Variants in CACNA1A observed in about 807,000 individuals in gnomAD.
CACNA1A encodes the protein voltage-dependent P/Q-type calcium channel subunit alpha-1A.
CACNA1A carries 57 observed loss-of-function variants against 262.4 expected under a neutral mutation model. The ratio of observed to expected loss-of-function variants is 0.22; its 90% CI spans 0.18 to 0.27. The LOEUF is 0.27. Ranked by LOEUF, CACNA1A falls within the 10% of genes least tolerant of loss-of-function variation. The pLI, the probability that CACNA1A is intolerant of heterozygous loss-of-function variation, is 1.00. For synonymous variants in CACNA1A, 1,431 were observed against 1,419.3 expected (o/e 1.01, Z -0.18); for missense variants, 2,526 against 3,562.8 (o/e 0.71, Z 7.41).
chr19:13,334,502 G>A lies in CACNA1A; in HGVS notation c.1083-9C>T. The A allele has an allele frequency of 6.7e-7, 1 of 1,500,714 alleles. No individual in the cohort carries two copies. The allele number at this position is 1,500,714 out of a possible 1,614,324, so 93.0% of individuals were successfully genotyped here. Reference sequence around the variant, plus strand: ...TTTCTTTGGCAAACTCCCTGGAGAAGCATAGAAAAGCCAGAGTATGGCTGT... The same window carrying A: ...TTTCTTTGGCAAACTCCCTGGAGAAACATAGAAAAGCCAGAGTATGGCTGT... On this transcript the variant is annotated splice_polypyrimidine_tract_variant and intron_variant, in intron 7 of 46. Coordinates refer to ENST00000360228, the MANE Select transcript of CACNA1A (RefSeq NM_001127222.2).
At chr19:13,208,691 A>C in intron 46 of CACNA1A, 65 bp downstream of exon 46, 1 of 1,489,614 alleles carries the variant, frequency 6.7e-7, no homozygotes, top group Non-Finnish European at 8.9e-7. Context: ...TGGATGGGGT[A>C]TCCCCTTCTC....
intron 6 of CACNA1A, among the ~76,000 whole-genome samples, chr19:13,337,331 T>C (rs2145149330): frequency 1.3e-5 from 2 of 152,316 alleles, no homozygotes; most frequent in Non-Finnish European, 2.9e-5. Flanking sequence ...TTCTGGCGGT[T>C]TGCTGGCAAT....
At chr19:13,233,427 T>C (rs2055742867) in intron 34 of CACNA1A, among the ~76,000 whole-genome samples, 1 of 152,226 alleles carries the variant, frequency 6.6e-6, no homozygotes, top group Non-Finnish European at 1.5e-5. Context: ...TTAAGTAAGC[T>C]CACATTATTA....
chr19:13,278,114 C>T (rs1482449505), intron 22 of CACNA1A, among the ~76,000 whole-genome samples: 1 of 151,450 alleles, frequency 6.6e-6, no homozygotes, highest in Non-Finnish European at 1.5e-5. Flanking sequence ...CAGATCCACC[C>T]AGAAGCTGCA....
intron 21 of CACNA1A, chr19:13,284,003 A>G (rs1008462141): frequency 6.6e-6 from 1 of 152,444 alleles, no homozygotes; most frequent in African/African-American, 2.4e-5. Flanking sequence ...GAATGTGCCA[A>G]TGGGATGTGC....
At chr19:13,235,332 TC>T (rs2144648343) in intron 32 of CACNA1A, 58 bp from the exon 33 acceptor site, 1 of 1,461,698 alleles carries the variant, frequency 6.8e-7, no homozygotes, top group Non-Finnish European at 9.4e-7. Flanking sequence ...CGCACTGTCT[TC>T]CTCCCTTGTC....
At chr19:13,371,363 T>A (rs2144557335) in intron 4 of CACNA1A, 1 of 227,600 alleles carries the variant, frequency 4.4e-6, no homozygotes, top group African/African-American at 2.3e-5. Context: ...GAGCCTCAGT[T>A]TCCCCCTCCA....
intron 1 of CACNA1A, among the ~76,000 whole-genome samples, chr19:13,480,834 G>A (rs1979202982): frequency 6.6e-6 from 1 of 152,094 alleles, no homozygotes; most frequent in Non-Finnish European, 1.5e-5. Flanking sequence ...AACATGCTGA[G>A]TTCTTACCAT....
chr19:13,283,498 A>C, intron 21 of CACNA1A, 102 bp from the exon 22 acceptor site: 2 of 1,443,576 alleles, frequency 1.4e-6, no homozygotes, highest in Non-Finnish European at 9.5e-7. Context: ...GAGATCTCCA[A>C]CCCCCAAGGC....
rs1443484577 is a variant in CACNA1A, at chr19:13,359,665, C to A, written c.919G>T (p.Ala307Ser). ...GITQFDNILF[A>S]VLTVFQCITM... ...ATGCACTGGAAAACAGTCAGCACTG[C>A]AAACAGGATGTTGTCGAACTGAGTG... The change falls in exon 6 of 47, where the codon GCA (alanine) becomes TCA (serine). Residue 307 changes from alanine (A) to serine (S), a missense_variant. Physicochemically the swap from Ala to Ser is moderately conservative, Grantham distance 99. Transcript: ENST00000360228. The A allele has an allele frequency of 6.2e-7, 1 of 1,610,220 alleles. No homozygotes were observed. The highest frequency in any genetic ancestry group is 1.7e-5 in the Admixed American group (1 of 59,462).
At position 13,241,664 on chromosome 19, in the gene CACNA1A, G is replaced by T. The variant is rs1390197074; in HGVS notation, c.4950+3518C>A. ...CGGTTCCCGGGCGGGGAGTGGGGGT[G>T]GTGGTGGCGGTGGGTTGGGAGATAA... is the stretch of plus-strand genomic sequence containing the variant. On this transcript the variant is annotated intron_variant, in intron 31 of 46. Transcript: ENST00000360228. The surrounding 1 kb of genome is among the most constrained non-coding windows in gnomAD (Gnocchi z 4.0). 3.0e-6 allele frequency: 2 copies of T among 660,678 alleles called. No homozygotes were observed. Among genetic ancestry groups the T allele is most frequent in the Non-Finnish European group, 5.5e-6 (2 of 362,742 alleles). The allele number at this position is 660,678 out of a possible 1,614,324, so 40.9% of individuals were successfully genotyped here.
intron 1 of CACNA1A, among the ~76,000 whole-genome samples, chr19:13,461,726 T>C (rs1442442991): frequency 6.6e-6 from 1 of 152,186 alleles, no homozygotes; most frequent in African/African-American, 2.4e-5. Context: ...CTCTGTTAGC[T>C]GAGCTGAGCC....
intron 38 of CACNA1A, among the ~76,000 whole-genome samples, chr19:13,216,326 A>G (rs1463773786): frequency 6.6e-6 from 1 of 151,950 alleles, no homozygotes; most frequent in Non-Finnish European, 1.5e-5. Context: ...CAGAGCATTT[A>G]TTATTATTTT....
At chr19:13,355,857 T>C (rs1022158406) in intron 6 of CACNA1A, among the ~76,000 whole-genome samples, 2 of 152,134 alleles carry the variant, frequency 1.3e-5, no homozygotes, top group African/African-American at 4.8e-5. Context: ...TTGAGTAGCA[T>C]CCGTGGCCTT....
At chr19:13,461,267 G>A (rs779802876) in intron 1 of CACNA1A, among the ~76,000 whole-genome samples, 14 of 152,150 alleles carry the variant, frequency 9.2e-5, no homozygotes, top group Non-Finnish European at 2.1e-4. Context: ...CTGAACCCGG[G>A]AAGCAGAGTT....
intron 10 of CACNA1A, among the ~76,000 whole-genome samples, chr19:13,329,486 CT>C (rs35821858): frequency 0.17 from 21,244 of 123,734 alleles, 1,886 homozygotes; most frequent in African/African-American, 0.33. Context: ...TGGTTTGTGT[CT>C]TTTTTTTTTT....
At chr19:13,473,982 C>T (rs1285171361) in intron 1 of CACNA1A, among the ~76,000 whole-genome samples, 1 of 152,204 alleles carries the variant, frequency 6.6e-6, no homozygotes, top group Non-Finnish European at 1.5e-5. Flanking sequence ...TTTGGGTCTG[C>T]CTCGCCTTTT....
chr19:13,255,393 G>A (rs2056519232), intron 28 of CACNA1A, 134 bp from the exon 29 acceptor site: 3 of 748,944 alleles, frequency 4.0e-6, no homozygotes, highest in Non-Finnish European at 6.2e-6. Context: ...CCCCCAGCCA[G>A]GATTCCTGGG....
At chr19:13,245,462 C>T (rs2056204413) in intron 30 of CACNA1A, 197 bp from the exon 31 acceptor site, 2 of 583,452 alleles carry the variant, frequency 3.4e-6, no homozygotes, top group Non-Finnish European at 6.2e-6. Flanking sequence ...CTCCTGGGGG[C>T]CTTCCCATGA....
Sources: allele counts gnomAD v4.1 joint callset (sites outside exome capture counted in the v4.1 genomes callset), GRCh38; gene constraint gnomAD v4.1.1; non-coding constraint Gnocchi (gnomAD v3.1); transcripts MANE v1.5; gene names NCBI Gene and HGNC (gene_info 2026-07-23, HGNC 2026-07-21).